Variants in LPP observed in about 807,000 individuals in gnomAD.
LPP encodes LIM domain containing preferred translocation partner in lipoma, also known as lipoma-preferred partner.
LPP carries 38 observed loss-of-function variants against 60.4 expected under a neutral mutation model. The ratio of observed to expected loss-of-function variants is 0.63; its 90% CI spans 0.49 to 0.83. LPP has a LOEUF of 0.83. LPP is among the 40% of genes least tolerant of loss of function. LPP has a pLI of 0.00. For missense variants in LPP, 902 were observed against 783.6 expected (o/e 1.15, Z -1.80); for synonymous variants, 328 against 290.8 (o/e 1.13, Z -1.30).
chr3:188,716,232 G>A (rs1713940997), intron 8 of LPP, among the ~76,000 whole-genome samples: 1 of 152,216 alleles, frequency 6.6e-6, no homozygotes, highest in African/African-American at 2.4e-5. Flanking sequence ...CTAGACAAAA[G>A]TGAAGGCATG....
chr3:188,721,331 G>A (rs1211407328), intron 8 of LPP, among the ~76,000 whole-genome samples: 1 of 152,012 alleles, frequency 6.6e-6, no homozygotes, highest in African/African-American at 2.4e-5. Flanking sequence ...CTGGAGAATT[G>A]CTTGAGTCCA....
chr3:188,719,348 C>A (rs1715399941), intron 8 of LPP, among the ~76,000 whole-genome samples: 1 of 152,098 alleles, frequency 6.6e-6, no homozygotes, highest in Non-Finnish European at 1.5e-5. Flanking sequence ...TCCATAGCAA[C>A]CTGTCCTGAA....
intron 9 of LPP, among the ~76,000 whole-genome samples, chr3:188,846,669 G>A (rs1761488368): frequency 8.5e-6 from 1 of 117,592 alleles, no homozygotes. Flanking sequence ...GGTTGACAGA[G>A]CAAGATTCCA....
intron 6 of LPP, among the ~76,000 whole-genome samples, chr3:188,607,802 A>G (rs1191538478): frequency 1.3e-5 from 2 of 152,186 alleles, no homozygotes; most frequent in African/African-American, 2.4e-5. Context: ...AGGTATAGAA[A>G]TTTACATATA....
At chr3:188,636,979 C>A in intron 7 of LPP, among the ~76,000 whole-genome samples, 1 of 143,826 alleles carries the variant, frequency 7.0e-6, no homozygotes, top group Non-Finnish European at 1.5e-5. Flanking sequence ...ACAAGGATAC[C>A]CAGGAATTGA....
chr3:188,275,218 T>A (rs1213069540), intron 2 of LPP, among the ~76,000 whole-genome samples: 1 of 152,218 alleles, frequency 6.6e-6, no homozygotes, highest in African/African-American at 2.4e-5. Context: ...TTTCCCTTGA[T>A]TCTCTGTTTC....
intron 2 of LPP, among the ~76,000 whole-genome samples, chr3:188,300,760 C>G (rs1749558250): frequency 6.6e-6 from 1 of 152,112 alleles, no homozygotes. Flanking sequence ...TTTATTTTCT[C>G]TTCATAGAAG....
At chr3:188,539,716 A>G (rs998256728) in intron 6 of LPP, among the ~76,000 whole-genome samples, 3 of 152,196 alleles carry the variant, frequency 2.0e-5, no homozygotes, top group Admixed American at 6.5e-5. Flanking sequence ...TTAATGTGAA[A>G]ATACAATATC....
chr3:188,446,788 C>A (rs1005451273), intron 4 of LPP, among the ~76,000 whole-genome samples: 3 of 152,148 alleles, frequency 2.0e-5, no homozygotes, highest in African/African-American at 7.2e-5. Context: ...ATGATTGGAC[C>A]GTGATTGTTT....
chr3:188,248,468 T>TTATATATCTATATATATATATA (rs1727815255), intron 2 of LPP, among the ~76,000 whole-genome samples: 1 of 84,142 alleles, frequency 1.2e-5, no homozygotes, highest in Non-Finnish European at 2.2e-5. Context: ...CAGTATAACT[T>TTATATATCTATATATATATATA]TATATATATA....
Position 188,262,829 on chromosome 3 carries a change from T to C in LPP, c.-67+37302T>C, listed in dbSNP as rs950481966. On this transcript the variant is annotated intron_variant, in intron 2 of 11. Transcript: ENST00000617246. ...GAAATCTAGAACTTGTCTGAAATCA[T>C]GTTAAAAAAAAAAAAGTGGTAATCT... Among the ~76,000 whole-genome samples the C allele has an allele frequency of 5.5e-4, 83 of 151,546 alleles. 1 individual carries two copies. Among genetic ancestry groups the C allele is most frequent in the African/African-American group, 2.0e-3 (82 of 41,316 alleles).
chr3:188,779,029 A>G (rs1477840234), intron 9 of LPP, among the ~76,000 whole-genome samples: 1 of 152,174 alleles, frequency 6.6e-6, no homozygotes, highest in African/African-American at 2.4e-5. Flanking sequence ...GGTATTTCAA[A>G]TGCTTCACAA....
rs755237020 is a variant in LPP at position 188,395,706 on chromosome 3, G to A, written c.-9-10406G>A. ...TTTGGGAGGCCAGGGTGAGAGCACC[G>A]CTTGAGCCCAGGAGTTCGAGACTAG... On this transcript the variant is annotated intron_variant, in intron 3 of 11. Coordinates refer to ENST00000617246, the MANE Select transcript of LPP (RefSeq NM_001375462.1). 3.4e-4 allele frequency among the ~76,000 whole-genome samples: 52 copies of A among 152,022 alleles called. 2 individuals carry two copies. The highest frequency in any genetic ancestry group is 9.2e-4 in the Admixed American group (14 of 15,250).
At chr3:188,175,393 T>C (rs1037697831) in intron 1 of LPP, among the ~76,000 whole-genome samples, 8 of 152,104 alleles carry the variant, frequency 5.3e-5, no homozygotes, top group African/African-American at 1.9e-4. Flanking sequence ...CCACCTAGAG[T>C]AGAATTTTAA....
chr3:188,574,757 G>C (rs1834229586), intron 6 of LPP, among the ~76,000 whole-genome samples: 2 of 151,886 alleles, frequency 1.3e-5, no homozygotes, highest in African/African-American at 4.8e-5. Flanking sequence ...TAACATGATG[G>C]ATTTTACAGC....
chr3:188,229,282 A>AATCATACCTG (rs1718969091), intron 2 of LPP, among the ~76,000 whole-genome samples: 1 of 152,182 alleles, frequency 6.6e-6, no homozygotes, highest in Non-Finnish European at 1.5e-5. Context: ...TAGATTAGAT[A>AATCATACCTG]ATCATACCTG....
At chr3:188,787,153 G>A (rs1742182862) in intron 9 of LPP, among the ~76,000 whole-genome samples, 1 of 152,100 alleles carries the variant, frequency 6.6e-6, no homozygotes, top group African/African-American at 2.4e-5. Context: ...TTGATAGACT[G>A]TATCAATCTC....
intron 5 of LPP, among the ~76,000 whole-genome samples, chr3:188,490,476 T>G (rs1237356452): frequency 2.6e-5 from 4 of 151,832 alleles, no homozygotes; most frequent in Admixed American, 2.0e-4. Context: ...TTCTCCTGTC[T>G]CAGCCCACCG....
intron 1 of LPP, among the ~76,000 whole-genome samples, chr3:188,198,531 C>T (rs1434903582): frequency 6.6e-6 from 1 of 152,170 alleles, no homozygotes; most frequent in African/African-American, 2.4e-5. Flanking sequence ...GTGGAGTGCT[C>T]CTCACACGAC....
Sources: gnomAD v4.1 joint callset for allele counts (sites outside exome capture counted in the v4.1 genomes callset) on GRCh38, gnomAD v4.1.1 for gene constraint, MANE v1.5 for transcripts, NCBI Gene and HGNC (gene_info 2026-07-23, HGNC 2026-07-21) for gene names.